MAPK6: variants seen among roughly 807,000 people sequenced by gnomAD.
MAPK6 encodes the protein mitogen-activated protein kinase 6.
In MAPK6, 19 loss-of-function variants were observed where a neutral mutation model predicts 59.3. The ratio of observed to expected loss-of-function variants is 0.32; its 90% confidence interval spans 0.22 to 0.47. The LOEUF (loss-of-function observed/expected upper bound fraction) is 0.47, where lower values mean the gene tolerates loss of function less well. MAPK6 is among the 20% of genes least tolerant of loss of function. The pLI, the probability that MAPK6 is intolerant of heterozygous loss-of-function variation, is 1.00. For synonymous variants in MAPK6, 316 were observed against 290.3 expected (o/e 1.09, Z -0.90); for missense variants, 724 against 847.9 (o/e 0.85, Z 1.81).
At chr15:52,027,836 G>C (rs537209691) in intron 1 of MAPK6, 1 of 151,400 alleles carries the variant, frequency 6.6e-6, no homozygotes, top group Non-Finnish European at 1.5e-5. Context: ...GCAGTGGCAC[G>C]ATCTTGGCTC....
At chr15:52,039,231 G>C (rs531706395) in intron 1 of MAPK6, among the ~76,000 whole-genome samples, 1 of 152,170 alleles carries the variant, frequency 6.6e-6, no homozygotes, top group South Asian at 2.1e-4. Flanking sequence ...GCTGGTCGCA[G>C]GTGATCCACC....
In MAPK6 at chr15:52,064,488, G is replaced by T; in HGVS notation, c.1654G>T (p.Asp552Tyr). ...TACTGATGTTGTTGATAAATTAAATGACTTGAATAGCTCAGTGTCCCAACT... is the reference window on the plus strand; with the variant it reads ...TACTGATGTTGTTGATAAATTAAATTACTTGAATAGCTCAGTGTCCCAACT... Reference protein sequence around the residue: ...EPTDVVDKLNDLNSSVSQLEL... With the variant: ...EPTDVVDKLNYLNSSVSQLEL... The change falls in exon 6 of 6, where the codon GAC becomes TAC. Residue 552 changes from aspartate to tyrosine, a missense_variant. Physicochemically the swap from Asp to Tyr is radical, Grantham distance 160. This residue lies in a region of MAPK6 where 502 missense variants were observed against 507.6 expected (regional missense o/e 0.99). Transcript: ENST00000261845. The T allele has an allele frequency of 1.2e-6, 2 of 1,608,388 alleles. No individual in the cohort carries two copies. Among genetic ancestry groups the T allele is most frequent in the South Asian group, 2.2e-5 (2 of 90,358 alleles).
intron 5 of MAPK6, among the ~76,000 whole-genome samples, chr15:52,062,493 G>A (rs144113693): frequency 6.6e-5 from 10 of 152,178 alleles, no homozygotes; most frequent in South Asian, 6.2e-4. Context: ...GGCTGGGCGC[G>A]GTGGCTCATG....
At chr15:52,015,800 G>A (rs1257141113), upstream of MAPK6, among the ~76,000 whole-genome samples, 1 of 147,532 alleles carries the variant, frequency 6.8e-6, no homozygotes, top group Non-Finnish European at 1.5e-5. Flanking sequence ...GCTCACACCT[G>A]TAATCCCAGC....
chr15:52,032,981 G>A (rs531737277), intron 1 of MAPK6, among the ~76,000 whole-genome samples: 9 of 151,868 alleles, frequency 5.9e-5, no homozygotes, highest in African/African-American at 1.7e-4. Context: ...CACCGCGCCC[G>A]GCCTCCTTTT....
At chr15:51,984,447 A>ATTTTTTTTTTTTTTTTTTTTTTTTTT (rs71130112) in intron 2 of MAPK6, among the ~76,000 whole-genome samples, 4 of 69,984 alleles carry the variant, frequency 5.7e-5, no homozygotes, top group African/African-American at 2.0e-4. Flanking sequence ...ACGCCGGCTA[A>ATTTTTTTTTTTTTTTTTTTTTTTTTT]TTTTTTTTTT....
At chr15:52,058,895 T>C in intron 4 of MAPK6, 98 bp downstream of exon 4, 2 of 1,001,312 alleles carry the variant, frequency 2.0e-6, no homozygotes, top group Non-Finnish European at 2.8e-6. Context: ...TATGGGGCTT[T>C]CTCCAAAATA....
At chr15:52,005,090 C>T (rs1393735780) in intron 3 of MAPK6, among the ~76,000 whole-genome samples, 1 of 152,124 alleles carries the variant, frequency 6.6e-6, no homozygotes, top group East Asian at 1.9e-4. Context: ...AATATCTTTA[C>T]CAATTTACAC....
intron 1 of MAPK6, among the ~76,000 whole-genome samples, chr15:52,039,730 T>C (rs910906507): frequency 2.6e-5 from 4 of 152,014 alleles, no homozygotes; most frequent in Non-Finnish European, 5.9e-5. Context: ...TTGGCCAGGC[T>C]GGTCTCCAAC....
upstream of MAPK6, among the ~76,000 whole-genome samples, chr15:52,016,070 GCACA>G (rs1175427042): frequency 4.5e-3 from 248 of 55,420 alleles, 3 homozygotes; most frequent in African/African-American, 0.011. Flanking sequence ...GCGCGCGCGC[GCACA>G]CACACACACA....
intron 1 of MAPK6, among the ~76,000 whole-genome samples, chr15:51,972,701 C>A (rs12902346): frequency 0.42 from 62,745 of 148,096 alleles, 13,865 homozygotes; most frequent in Admixed American, 0.51. Flanking sequence ...GGGCGCCTGT[C>A]GTCCCAGCTA....
At chr15:52,016,063 C>CGT (rs1566899805), upstream of MAPK6, among the ~76,000 whole-genome samples, 41 of 81,274 alleles carry the variant, frequency 5.0e-4, no homozygotes, top group South Asian at 0.01. Flanking sequence ...CGCGCGCGCG[C>CGT]GCGCGCGCAC....
At chr15:52,055,663 A>C (rs779828934) in intron 3 of MAPK6, among the ~76,000 whole-genome samples, 3 of 152,000 alleles carry the variant, frequency 2.0e-5, no homozygotes, top group Non-Finnish European at 2.9e-5. Context: ...CTATAGGTGC[A>C]TGCCTCCATG....
chr15:51,987,958 G>A (rs145408204), intron 2 of MAPK6, among the ~76,000 whole-genome samples: 1 of 152,160 alleles, frequency 6.6e-6, no homozygotes, highest in African/African-American at 2.4e-5. Context: ...TAGAGACAGA[G>A]TTTCCTCATG....
At chr15:51,984,208 A>G (rs1216262169) in intron 2 of MAPK6, among the ~76,000 whole-genome samples, 1 of 152,156 alleles carries the variant, frequency 6.6e-6, no homozygotes, top group South Asian at 2.1e-4. Flanking sequence ...ATGAATGTGT[A>G]TTGAAGAAAG....
rs2031281707 is a variant in MAPK6 at position 52,037,489 on chromosome 15, CT to C, written c.-631-8336del. On this transcript the variant is annotated intron_variant, in intron 1 of 5. Coordinates refer to ENST00000261845, the MANE Select transcript of MAPK6 (RefSeq NM_002748.4). ...TTTGGTATTACATGGGCTGATAGGACTTTTTAGAGTCCTGCTTGACTGATTA... is the reference window on the plus strand; with the variant it reads ...TTTGGTATTACATGGGCTGATAGGACTTTTAGAGTCCTGCTTGACTGATTA... Among the ~76,000 whole-genome samples the C allele has an allele frequency of 2.0e-5, 3 of 152,162 alleles. No individual in the cohort carries two copies. In the South Asian group the frequency reaches 6.2e-4, roughly 31 times the overall value.
At chr15:51,980,718 G>A (rs1474296422) in intron 1 of MAPK6, among the ~76,000 whole-genome samples, 1 of 151,010 alleles carries the variant, frequency 6.6e-6, no homozygotes, top group Admixed American at 6.6e-5. Context: ...AGCCTCCCCA[G>A]TAGCTGGGAC....
In MAPK6 at chr15:52,064,502, A is replaced by G; in HGVS notation, c.1668A>G (p.Ser556=). The change falls in exon 6 of 6, where the codon TCA becomes TCG. Residue 556 remains serine, a synonymous_variant. Coordinates refer to ENST00000261845, the MANE Select transcript of MAPK6 (RefSeq NM_002748.4). ...VVDKLNDLNS[S]VSQLELKSLI... ...ATAAATTAAATGACTTGAATAGCTC[A>G]GTGTCCCAACTAGAATTGAAAAGTT... The G allele has an allele frequency of 3.1e-6, 5 of 1,609,822 alleles. No homozygotes were observed. The highest frequency in any genetic ancestry group is 4.2e-6 in the Non-Finnish European group (5 of 1,178,912).
chr15:52,047,057 A>T (rs376954744), intron 2 of MAPK6, 42 bp downstream of exon 2: 3 of 1,374,524 alleles, frequency 2.2e-6, no homozygotes, highest in Non-Finnish European at 1.9e-6. Flanking sequence ...TTAAACTGAT[A>T]CACCTAATCA....
Sources: allele counts gnomAD v4.1 joint callset (sites outside exome capture counted in the v4.1 genomes callset), GRCh38; gene constraint gnomAD v4.1.1; regional missense constraint gnomAD v4.1.1; transcripts MANE v1.5; gene names NCBI Gene and HGNC (gene_info 2026-07-23, HGNC 2026-07-21).